Variants in TACR1 observed in about 807,000 individuals in gnomAD.
TACR1 encodes the protein tachykinin receptor 1.
Under a neutral mutation model 35.8 loss-of-function variants are expected in TACR1, and 25 were observed. The observed-to-expected ratio is 0.70, with a 90% CI of 0.51 to 0.98. The LOEUF is 0.98. Among genes scored for constraint, TACR1 ranks in the 50% least tolerant of loss-of-function variants. TACR1 has a pLI of 0.00. For synonymous variants in TACR1, 195 were observed against 206.7 expected (o/e 0.94, Z 0.48); for missense variants, 478 against 522.9 (o/e 0.91, Z 0.84).
intron 1 of TACR1, among the ~76,000 whole-genome samples, chr2:75,194,330 G>A (rs1017421517): frequency 2.0e-5 from 3 of 152,232 alleles, no homozygotes; most frequent in African/African-American, 7.2e-5. Flanking sequence ...TGGCCAATGA[G>A]CTTCTAGTGA....
chr2:75,110,892 C>G (rs1466972931), intron 2 of TACR1, among the ~76,000 whole-genome samples: 1 of 151,990 alleles, frequency 6.6e-6, no homozygotes, highest in East Asian at 1.9e-4. Context: ...CAGATATTGT[C>G]AAACTATGCT....
intron 2 of TACR1, among the ~76,000 whole-genome samples, chr2:75,107,573 AAAG>A (rs962994483): frequency 2.5e-4 from 38 of 151,922 alleles, no homozygotes; most frequent in African/African-American, 9.2e-4. Context: ...AGGAAGGAGA[AAAG>A]AAAGAAAGAA....
chr2:75,141,411 A>G (rs771865294), intron 1 of TACR1, among the ~76,000 whole-genome samples: 8 of 152,216 alleles, frequency 5.3e-5, no homozygotes, highest in Non-Finnish European at 7.3e-5. Context: ...TAACAGCAGA[A>G]AGCTCAAAGC....
chr2:75,140,305 G>A (rs1171168229), intron 1 of TACR1, among the ~76,000 whole-genome samples: 1 of 152,014 alleles, frequency 6.6e-6, no homozygotes, highest in Admixed American at 6.6e-5. Flanking sequence ...AGGGTGGAAT[G>A]TTGGAAGTGG....
At chr2:75,194,231 G>T (rs1006937) in intron 1 of TACR1, among the ~76,000 whole-genome samples, 26,520 of 152,080 alleles carry the variant, frequency 0.17, 2,838 homozygotes, top group Admixed American at 0.24. Context: ...TTGAAGAAAG[G>T]CCCTGAAATC....
intron 1 of TACR1, among the ~76,000 whole-genome samples, chr2:75,164,059 G>A (rs1214451232): frequency 6.6e-6 from 1 of 152,106 alleles, no homozygotes; most frequent in African/African-American, 2.4e-5. Flanking sequence ...CGGGTGCAGT[G>A]GTTCACAACT....
chr2:75,130,541 G>C (rs1283064300), intron 1 of TACR1, among the ~76,000 whole-genome samples: 1 of 152,156 alleles, frequency 6.6e-6, no homozygotes, highest in East Asian at 1.9e-4. Context: ...ATTTATTTTT[G>C]ATAGTGCTTT....
intron 2 of TACR1, among the ~76,000 whole-genome samples, chr2:75,072,162 G>A (rs1403696721): frequency 6.6e-6 from 1 of 152,058 alleles, no homozygotes; most frequent in Non-Finnish European, 1.5e-5. Flanking sequence ...AGCTCAGGAG[G>A]AGCAGGAACA....
At chr2:75,195,644 A>G (rs1262891431) in intron 1 of TACR1, among the ~76,000 whole-genome samples, 1 of 152,160 alleles carries the variant, frequency 6.6e-6, no homozygotes, top group African/African-American at 2.4e-5. Context: ...TAGTAATTCT[A>G]CTTATTGGGA....
At chr2:75,137,728 CAAAAAAAAAAAAAA>C (rs11326632) in intron 1 of TACR1, among the ~76,000 whole-genome samples, 1 of 47,516 alleles carries the variant, frequency 2.1e-5, no homozygotes, top group South Asian at 1.1e-3. Context: ...GTCTCCGTCT[CAAAAAAAAAAAAAA>C]AAAAAAAAAA....
Position 75,197,410 on chromosome 2 carries a change from G to C in TACR1, c.389+1136C>G, listed in dbSNP as rs545240494. Among the ~76,000 whole-genome samples, 4 of 152,246 alleles carry C rather than the reference G, an allele frequency of 2.6e-5. No homozygotes were observed. In the South Asian group the frequency reaches 6.2e-4, roughly 24 times the overall value. Reference sequence around the variant, plus strand: ...AGTTTTCTCCTAGCTCCTTCTTTGGGTTTCTCACATTCAGTTATCTCAGGA... The same window carrying C: ...AGTTTTCTCCTAGCTCCTTCTTTGGCTTTCTCACATTCAGTTATCTCAGGA... On this transcript the variant is annotated intron_variant, in intron 1 of 4. Coordinates refer to ENST00000305249, the MANE Select transcript of TACR1 (RefSeq NM_001058.4).
rs183092782 is a variant in TACR1, at chr2:75,085,759, A to C, written c.585-32004T>G. Among the ~76,000 whole-genome samples the C allele has an allele frequency of 1.8e-3, 267 of 151,514 alleles. 3 individuals carry two copies. Among genetic ancestry groups the C allele is most frequent in the African/African-American group, 6.1e-3 (251 of 41,246 alleles). Reference sequence around the variant, plus strand: ...CCTTCCAGTCCCAACCACTCTCCCTACTCTTCCCTGGGGTTAAATTCCCAC... The same window carrying C: ...CCTTCCAGTCCCAACCACTCTCCCTCCTCTTCCCTGGGGTTAAATTCCCAC... On this transcript the variant is annotated intron_variant, in intron 2 of 4. Transcript: ENST00000305249.
chr2:75,053,946 ATACAC>A (rs1573457031), intron 2 of TACR1, among the ~76,000 whole-genome samples, 191 bp from the exon 3 acceptor site: 2 of 152,330 alleles, frequency 1.3e-5, no homozygotes, highest in East Asian at 3.9e-4. Flanking sequence ...ATACTAATGA[ATACAC>A]TACAGAAAAC....
chr2:75,091,512 C>T (rs1034480284), intron 2 of TACR1, among the ~76,000 whole-genome samples: 12 of 152,074 alleles, frequency 7.9e-5, no homozygotes, highest in African/African-American at 2.2e-4. Flanking sequence ...ACTATAATAC[C>T]CATTTTAAAG....
chr2:75,162,975 G>A (rs966085969), intron 1 of TACR1, among the ~76,000 whole-genome samples: 13 of 152,130 alleles, frequency 8.5e-5, no homozygotes, highest in Non-Finnish European at 2.9e-5. Context: ...TTCCCAGTCC[G>A]TTTGCAACTA....
intron 2 of TACR1, among the ~76,000 whole-genome samples, chr2:75,088,999 C>T (rs1391313023): frequency 6.6e-6 from 1 of 152,172 alleles, no homozygotes; most frequent in Non-Finnish European, 1.5e-5. Context: ...TCTTGGGATG[C>T]ATGTAGGCAC....
At chr2:75,058,846 G>A (rs1265304426) in intron 2 of TACR1, among the ~76,000 whole-genome samples, 1 of 152,126 alleles carries the variant, frequency 6.6e-6, no homozygotes, top group Non-Finnish European at 1.5e-5. Context: ...CTCACTAGTG[G>A]GATCATTGTT....
chr2:75,084,278 C>G (rs1353809596), intron 2 of TACR1, among the ~76,000 whole-genome samples: 1 of 152,130 alleles, frequency 6.6e-6, no homozygotes, highest in Non-Finnish European at 1.5e-5. Flanking sequence ...GGATGAAGCC[C>G]ACTTGATCGT....
chr2:75,079,984 C>G (rs1209469811), intron 2 of TACR1, among the ~76,000 whole-genome samples: 5 of 152,116 alleles, frequency 3.3e-5, no homozygotes, highest in African/African-American at 1.2e-4. Context: ...TTGGCAGAAA[C>G]TAATTTTGAA....
Sources: allele counts gnomAD v4.1 joint callset (sites outside exome capture counted in the v4.1 genomes callset), GRCh38; gene constraint gnomAD v4.1.1; transcripts MANE v1.5; gene names NCBI Gene and HGNC (gene_info 2026-07-23, HGNC 2026-07-21).